Variants in UGT1A5 observed in about 807,000 individuals in gnomAD.
UGT1A5 encodes the protein UDP-glucuronosyltransferase 1A5.
A neutral mutation model predicts 40.3 loss-of-function variants in UGT1A5; 29 were observed. That is an observed-to-expected ratio of 0.72 (90% confidence interval 0.54 to 0.98). UGT1A5 has a LOEUF of 0.98. Ranked by LOEUF, UGT1A5 falls within the 50% of genes least tolerant of loss-of-function variation. The probability of loss-of-function intolerance (pLI) is 0.00; values close to 1 mark genes in which losing one functional copy is unlikely to be tolerated. For missense variants in UGT1A5, 678 were observed against 677.9 expected (o/e 1.00, Z 0.00); for synonymous variants, 257 against 262.5 (o/e 0.98, Z 0.20).
chr2:233,751,212 G>A (rs1434811842), intron 1 of UGT1A5, among the ~76,000 whole-genome samples: 1 of 151,972 alleles, frequency 6.6e-6, no homozygotes, highest in Non-Finnish European at 1.5e-5. Context: ...GGAGCTTTAA[G>A]ATTTAATGAC....
At chr2:233,759,230 A>AG (rs1697089721) in intron 1 of UGT1A5, among the ~76,000 whole-genome samples, 1 of 152,196 alleles carries the variant, frequency 6.6e-6, no homozygotes, top group African/African-American at 2.4e-5. Flanking sequence ...CAAATGAAGG[A>AG]TGGAAACTTG....
intron 1 of UGT1A5, among the ~76,000 whole-genome samples, chr2:233,750,901 C>T (rs2125907846): frequency 6.6e-6 from 1 of 152,000 alleles, no homozygotes; most frequent in South Asian, 2.1e-4. Flanking sequence ...AGAACCTCTG[C>T]TAGAGAAGGG....
intron 1 of UGT1A5, among the ~76,000 whole-genome samples, chr2:233,764,782 C>A (rs1260988013): frequency 6.6e-6 from 1 of 152,064 alleles, no homozygotes; most frequent in Non-Finnish European, 1.5e-5. Flanking sequence ...TCAGAAAAAC[C>A]ATCCTCAGGG....
At chr2:233,763,725 A>G (rs557422136) in intron 1 of UGT1A5, among the ~76,000 whole-genome samples, 3 of 152,232 alleles carry the variant, frequency 2.0e-5, no homozygotes, top group South Asian at 2.1e-4. Flanking sequence ...AGAAAGCACA[A>G]CCTGGCATTG....
intron 1 of UGT1A5, chr2:233,754,420 G>A (rs2125925827): frequency 2.9e-6 from 1 of 342,686 alleles, no homozygotes; most frequent in East Asian, 7.5e-5. Context: ...ATAAAGACAG[G>A]CATTGGCATA....
chr2:233,747,923 G>C (rs1349241680), intron 1 of UGT1A5: 11 of 1,613,296 alleles, frequency 6.8e-6, no homozygotes, highest in Non-Finnish European at 8.5e-6. Flanking sequence ...TTGCCTCTGA[G>C]CTTTTTCAGA....
intron 1 of UGT1A5, chr2:233,729,631 A>C (rs141036072): frequency 6.2e-7 from 1 of 1,613,646 alleles, no homozygotes; most frequent in Non-Finnish European, 8.5e-7. Context: ...GTCGATTCCT[A>C]CTGTGTTTTT....
At chr2:233,717,025 C>A (rs947654247) in intron 1 of UGT1A5, among the ~76,000 whole-genome samples, 5 of 152,200 alleles carry the variant, frequency 3.3e-5, no homozygotes, top group Non-Finnish European at 4.4e-5. Flanking sequence ...GCACCACCAT[C>A]TTCCAAGATA....
intron 4 of UGT1A5, chr2:233,771,470 T>C (rs1389058308): frequency 2.0e-5 from 3 of 152,260 alleles, no homozygotes; most frequent in African/African-American, 7.2e-5. Context: ...TCATGCTAAA[T>C]CTAGCACCCA....
chr2:233,713,329 G>T lies in UGT1A5; in HGVS notation c.338G>T (p.Arg113Ile), dbSNP rs1283869800. 2 of 1,614,226 alleles carry T rather than the reference G, an allele frequency of 1.2e-6. No homozygotes were observed. The highest frequency in any genetic ancestry group is 1.1e-5 in the South Asian group (1 of 91,084). ...TEHLLMKFSRRMAIMNNMSLI... is the reference protein window; with the variant it reads ...TEHLLMKFSRIMAIMNNMSLI... Reference sequence around the variant, plus strand: ...CATCTTCTGATGAAATTTTCTAGAAGAATGGCAATTATGAACAATATGTCT... The same window carrying T: ...CATCTTCTGATGAAATTTTCTAGAATAATGGCAATTATGAACAATATGTCT... Residue 113 changes from arginine (R) to isoleucine (I), a missense_variant, in exon 1 of 5, where the codon AGA (arginine) becomes ATA (isoleucine). Transcript: ENST00000373414.
intron 1 of UGT1A5, among the ~76,000 whole-genome samples, chr2:233,735,766 T>C (rs2078690573): frequency 1.3e-5 from 2 of 152,218 alleles, no homozygotes; most frequent in African/African-American, 4.8e-5. Flanking sequence ...CCTTCACTTA[T>C]GAAGCTTACT....
chr2:233,735,645 G>C (rs1395226137), intron 1 of UGT1A5, among the ~76,000 whole-genome samples: 1 of 152,164 alleles, frequency 6.6e-6, no homozygotes, highest in Admixed American at 6.5e-5. Flanking sequence ...GCAGTGGCTG[G>C]TACTGGTGTT....
intron 1 of UGT1A5, chr2:233,747,696 G>C (rs1693755189): frequency 1.2e-6 from 2 of 1,611,556 alleles, no homozygotes; most frequent in Admixed American, 1.7e-5. Context: ...GGCAGTGCTG[G>C]CTAAGTACCT....
chr2:233,738,549 T>C (rs577240283), intron 1 of UGT1A5, among the ~76,000 whole-genome samples: 15 of 152,296 alleles, frequency 9.8e-5, no homozygotes, highest in Admixed American at 3.9e-4. Flanking sequence ...GAGTCTCAGA[T>C]AGAGATGAGG....
At chr2:233,757,089 G>C (rs553473050) in intron 1 of UGT1A5, among the ~76,000 whole-genome samples, 2 of 151,396 alleles carry the variant, frequency 1.3e-5, no homozygotes, top group Admixed American at 1.3e-4. Flanking sequence ...AGGGTAAGAG[G>C]CAGAGGGAGG....
intron 1 of UGT1A5, among the ~76,000 whole-genome samples, chr2:233,762,832 A>C (rs1698176538): frequency 6.6e-6 from 1 of 152,202 alleles, no homozygotes; most frequent in Admixed American, 6.5e-5. Flanking sequence ...CATAATAAAA[A>C]ATAATAGGCA....
chr2:233,756,970 G>T (rs550793027), intron 1 of UGT1A5, among the ~76,000 whole-genome samples: 8 of 152,064 alleles, frequency 5.3e-5, no homozygotes, highest in African/African-American at 1.7e-4. Context: ...TGGTAAGCAC[G>T]CAATGAACAG....
intron 1 of UGT1A5, among the ~76,000 whole-genome samples, chr2:233,757,986 C>T (rs2125961594): frequency 6.6e-6 from 1 of 152,224 alleles, no homozygotes; most frequent in South Asian, 2.1e-4. Context: ...GAGCACCATC[C>T]CCTGTAATTG....
In UGT1A5 at chr2:233,713,803, C is replaced by G; in HGVS notation, c.812C>G (p.Pro271Arg). The change falls in exon 1 of 5, where the codon CCC becomes CGC. Residue 271 changes from proline (P) to arginine (R), a missense_variant. Physicochemically the swap from Pro to Arg is moderately radical, Grantham distance 103. Coordinates refer to ENST00000373414, the MANE Select transcript of UGT1A5 (RefSeq NM_019078.2). ...FVMDYPRPIM[P>R]NMVFIGGINC... Reference sequence around the variant, plus strand: ...ATGGATTACCCCAGGCCGATCATGCCCAACATGGTCTTCATTGGGGGCATC... The same window carrying G: ...ATGGATTACCCCAGGCCGATCATGCGCAACATGGTCTTCATTGGGGGCATC... 1 of 1,614,054 alleles carries G rather than the reference C, an allele frequency of 6.2e-7. No homozygotes were observed. The highest frequency in any genetic ancestry group is 2.2e-5 in the East Asian group (1 of 44,876).
Sources: gnomAD v4.1 joint callset for allele counts (sites outside exome capture counted in the v4.1 genomes callset) on GRCh38, gnomAD v4.1.1 for gene constraint, MANE v1.5 for transcripts, NCBI Gene and HGNC (gene_info 2026-07-23, HGNC 2026-07-21) for gene names.